The following SKAP1 variants were observed in gnomAD, a reference collection of about 807,000 sequenced individuals.
SKAP1 encodes the protein src kinase-associated phosphoprotein 1.
SKAP1 carries 44 observed loss-of-function variants against 58.5 expected under a neutral mutation model. The ratio of observed to expected loss-of-function variants is 0.75; its 90% confidence interval spans 0.59 to 0.97. The LOEUF (loss-of-function observed/expected upper bound fraction) is 0.97, where lower values mean the gene tolerates loss of function less well. Among genes scored for constraint, SKAP1 ranks in the 50% least tolerant of loss-of-function variants. SKAP1 has a pLI of 0.00. For missense variants in SKAP1, 390 were observed against 435.2 expected (o/e 0.90, Z 0.92); for synonymous variants, 127 against 149.7 (o/e 0.85, Z 1.11).
chr17:48,344,818 A>G (rs982865042), intron 4 of SKAP1, among the ~76,000 whole-genome samples: 1 of 151,854 alleles, frequency 6.6e-6, no homozygotes, highest in African/African-American at 2.4e-5. Context: ...GTGAAAGGGA[A>G]AAAAAACATG....
intron 4 of SKAP1, among the ~76,000 whole-genome samples, chr17:48,195,467 T>C (rs370784909): frequency 3.3e-5 from 5 of 152,364 alleles, no homozygotes; most frequent in African/African-American, 1.2e-4. Flanking sequence ...TAAAGGAATT[T>C]AGCTTAACAT....
At chr17:48,291,076 AC>A (rs1212298357) in intron 4 of SKAP1, among the ~76,000 whole-genome samples, 1 of 152,132 alleles carries the variant, frequency 6.6e-6, no homozygotes, top group African/African-American at 2.4e-5. Context: ...TTATGATGGC[AC>A]CACTGCACTC....
At position 48,371,370 on chromosome 17, in the gene SKAP1, G is replaced by A. The variant is rs1448140494; in HGVS notation, c.153-7556C>T. Among the ~76,000 whole-genome samples, 4 of 152,148 alleles carry A rather than the reference G, an allele frequency of 2.6e-5. No individual in the cohort carries two copies. In the East Asian group the frequency reaches 7.7e-4, roughly 29 times the overall value. On this transcript the variant is annotated intron_variant, in intron 2 of 12. Transcript: ENST00000336915. ...GCTACTGAATCTAAATCAACAGATT[G>A]CAAGGGAGAGAATATCAGATTCTTG...
intron 4 of SKAP1, among the ~76,000 whole-genome samples, chr17:48,211,428 T>C (rs1321448843): frequency 1.3e-5 from 2 of 152,182 alleles, no homozygotes; most frequent in African/African-American, 4.8e-5. Context: ...AAATCTCCTA[T>C]TTTCCATATG....
intron 4 of SKAP1, among the ~76,000 whole-genome samples, chr17:48,195,218 T>C (rs1388922966): frequency 2.0e-5 from 3 of 152,204 alleles, no homozygotes; most frequent in Non-Finnish European, 4.4e-5. Flanking sequence ...CTTCTTACTT[T>C]TCTGGGTTAC....
chr17:48,161,296 G>A (rs2064064901), intron 11 of SKAP1, among the ~76,000 whole-genome samples: 1 of 152,112 alleles, frequency 6.6e-6, no homozygotes, highest in South Asian at 2.1e-4. Flanking sequence ...AATAACCAAC[G>A]GGTTTTCAGT....
chr17:48,435,083 C>T (rs550814759), upstream of SKAP1, among the ~76,000 whole-genome samples: 2 of 152,110 alleles, frequency 1.3e-5, no homozygotes, highest in Non-Finnish European at 2.9e-5. Context: ...CCCAGGAGTT[C>T]GAGGTTGCCG....
At chr17:48,310,017 A>G (rs1236540894) in intron 4 of SKAP1, among the ~76,000 whole-genome samples, 2 of 152,226 alleles carry the variant, frequency 1.3e-5, no homozygotes, top group East Asian at 3.8e-4. Context: ...CACAAATACT[A>G]CTTCGAAAGA....
At chr17:48,144,982 G>A (rs1486282458) in intron 11 of SKAP1, among the ~76,000 whole-genome samples, 1 of 151,984 alleles carries the variant, frequency 6.6e-6, no homozygotes, top group Non-Finnish European at 1.5e-5. Context: ...CTCAATGGTA[G>A]GGCTAAGATT....
intron 6 of SKAP1, among the ~76,000 whole-genome samples, chr17:48,187,212 TC>T (rs1366371598): frequency 3.3e-5 from 5 of 152,342 alleles, no homozygotes; most frequent in Admixed American, 6.5e-5. Context: ...TGGGAGGTCT[TC>T]TAGGGTTAGC....
intron 2 of SKAP1, among the ~76,000 whole-genome samples, chr17:48,382,786 A>G (rs1445875541): frequency 6.6e-6 from 1 of 152,224 alleles, no homozygotes; most frequent in Non-Finnish European, 1.5e-5. Flanking sequence ...AAACCATTGA[A>G]CAGGTCTAGT....
intron 4 of SKAP1, among the ~76,000 whole-genome samples, chr17:48,205,713 A>G (rs2064801771): frequency 1.3e-5 from 2 of 152,214 alleles, no homozygotes; most frequent in Non-Finnish European, 2.9e-5. Context: ...TGGCACTGAA[A>G]TTCTCCACAG....
At chr17:48,192,413 T>C (rs1179561611) in intron 4 of SKAP1, among the ~76,000 whole-genome samples, 1 of 152,216 alleles carries the variant, frequency 6.6e-6, no homozygotes, top group Non-Finnish European at 1.5e-5. Context: ...ACCTCCTTTT[T>C]TTAATGCAAA....
intron 2 of SKAP1, among the ~76,000 whole-genome samples, chr17:48,384,834 C>T (rs1448346718): frequency 1.3e-5 from 2 of 152,064 alleles, no homozygotes; most frequent in Non-Finnish European, 2.9e-5. Context: ...CTGTCTGGTG[C>T]CTTGGAGGGA....
chr17:48,434,020 G>A (rs2067930088), upstream of SKAP1, among the ~76,000 whole-genome samples: 3 of 152,252 alleles, frequency 2.0e-5, no homozygotes, highest in Non-Finnish European at 4.4e-5. Flanking sequence ...TGGGTCTGGA[G>A]AGGAAACTGC....
chr17:48,276,170 C>G (rs558976529), intron 4 of SKAP1, among the ~76,000 whole-genome samples: 1 of 152,190 alleles, frequency 6.6e-6, no homozygotes, highest in Non-Finnish European at 1.5e-5. Flanking sequence ...TCTACCCCCC[C>G]AGCCACTCTC....
chr17:48,294,002 C>T (rs1288042867), intron 4 of SKAP1, among the ~76,000 whole-genome samples: 2 of 152,078 alleles, frequency 1.3e-5, no homozygotes, highest in African/African-American at 2.4e-5. Context: ...AACAAAAATC[C>T]GATTGGTGCT....
chr17:48,406,118 A>G lies in SKAP1; in HGVS notation c.47-9333T>C, dbSNP rs538203247. Among the ~76,000 whole-genome samples the G allele has an allele frequency of 1.1e-4, 17 of 151,742 alleles. 2 individuals carry two copies. The South Asian group carries it at 2.9e-3, about 26-fold the overall frequency. On this transcript the variant is annotated intron_variant, in intron 1 of 12. Coordinates refer to ENST00000336915, the MANE Select transcript of SKAP1 (RefSeq NM_003726.4). ...CATCTCTACTAAAAATACAAAAATT[A>G]GTCGGGCGTGGTGGCACACATCTGT...
At chr17:48,279,523 G>C (rs565966130) in intron 4 of SKAP1, among the ~76,000 whole-genome samples, 77 of 152,324 alleles carry the variant, frequency 5.1e-4, no homozygotes, top group Non-Finnish European at 9.3e-4. Context: ...TTACATGAAA[G>C]AGTTCATTAT....
Sources: allele counts gnomAD v4.1 joint callset (sites outside exome capture counted in the v4.1 genomes callset), GRCh38; gene constraint gnomAD v4.1.1; transcripts MANE v1.5; gene names NCBI Gene and HGNC (gene_info 2026-07-23, HGNC 2026-07-21).